BLTP3B: variants seen among roughly 807,000 people sequenced by gnomAD.
BLTP3B encodes bridge-like lipid transfer protein family member 3B, also known as UHRF1 (ICBP90) binding protein 1-like.
the BLTP3B span, among the ~76,000 whole-genome samples, chr12:100,070,717 G>T: frequency 6.6e-6 from 1 of 152,082 alleles, no homozygotes; most frequent in Admixed American, 6.6e-5. Context: ...TAATAGGGTG[G>T]GTGCGGTGGC....
the BLTP3B span, among the ~76,000 whole-genome samples, chr12:100,137,789 G>A: frequency 4.6e-5 from 7 of 152,126 alleles, no homozygotes; most frequent in African/African-American, 1.7e-4. Context: ...TTTCCTTAAT[G>A]TAGCAAATGA....
chr12:100,109,595 C>T, the BLTP3B span, among the ~76,000 whole-genome samples: 2 of 151,942 alleles, frequency 1.3e-5, no homozygotes, highest in Non-Finnish European at 2.9e-5. Flanking sequence ...GAAACCTGGT[C>T]TCTACTAAAA....
chr12:100,063,915 G>C, the BLTP3B span, among the ~76,000 whole-genome samples: 1 of 151,992 alleles, frequency 6.6e-6, no homozygotes, highest in South Asian at 2.1e-4. Context: ...CAGCTCACCA[G>C]CAATGGACCC....
the BLTP3B span, among the ~76,000 whole-genome samples, chr12:100,130,982 G>GGGGAGAGA: frequency 2.6e-4 from 16 of 62,240 alleles, no homozygotes; most frequent in East Asian, 9.5e-4. Flanking sequence ...AGAGAGGGAG[G>GGGGAGAGA]GAGAGAGAGA....
chr12:100,103,853 A>T, the BLTP3B span: 1 of 1,320,640 alleles, frequency 7.6e-7, no homozygotes. Context: ...TACTATGAAC[A>T]GAGTAGCTAG....
At chr12:100,102,110 C>CTT in the BLTP3B span, among the ~76,000 whole-genome samples, 302 of 135,072 alleles carry the variant, frequency 2.2e-3, no homozygotes, top group African/African-American at 7.6e-3. Flanking sequence ...CAACTTAACT[C>CTT]TTTTTTTTTT....
At chr12:100,048,738 GA>G in the BLTP3B span, among the ~76,000 whole-genome samples, 2 of 122,970 alleles carry the variant, frequency 1.6e-5, no homozygotes, top group African/African-American at 7.3e-5. Flanking sequence ...AGGGGGGGGA[GA>G]GAGAGAGAGA....
chr12:100,061,724 TTA>T, the BLTP3B span, among the ~76,000 whole-genome samples: 4 of 151,494 alleles, frequency 2.6e-5, no homozygotes, highest in Admixed American at 2.6e-4. Flanking sequence ...ATAAAACAGA[TTA>T]GTATGTAGTT....
the BLTP3B span, chr12:100,088,905 G>T: frequency 1.3e-6 from 2 of 1,529,496 alleles, no homozygotes; most frequent in Non-Finnish European, 1.7e-6. Context: ...AAATAAGCAA[G>T]TTATTTTACC....
the BLTP3B span, chr12:100,095,528 A>C: frequency 1.1e-6 from 1 of 911,832 alleles, no homozygotes; most frequent in Non-Finnish European, 1.6e-6. Flanking sequence ...AAAATTACAT[A>C]GAAGATATCT....
At chr12:100,108,565 A>G in the BLTP3B span, 1 of 1,587,780 alleles carries the variant, frequency 6.3e-7, no homozygotes, top group Non-Finnish European at 8.6e-7. Context: ...GAGAATACAC[A>G]TTGACATTTA....
chr12:100,115,606 C>T, the BLTP3B span, among the ~76,000 whole-genome samples: 1 of 151,978 alleles, frequency 6.6e-6, no homozygotes, highest in African/African-American at 2.4e-5. Context: ...CTTGTCTCTA[C>T]AAAAAATTTT....
At chr12:100,119,602 A>G in the BLTP3B span, among the ~76,000 whole-genome samples, 3 of 152,206 alleles carry the variant, frequency 2.0e-5, no homozygotes, top group African/African-American at 7.2e-5. Context: ...AATAAATAAT[A>G]AATGCAACAA....
the BLTP3B span, chr12:100,086,380 G>GC: frequency 8.9e-6 from 6 of 674,626 alleles, 2 homozygotes; most frequent in East Asian, 4.5e-5. Flanking sequence ...AAAGGGGGGG[G>GC]GGGAAATATT....
At chr12:100,096,420 A>T in the BLTP3B span, among the ~76,000 whole-genome samples, 1 of 152,206 alleles carries the variant, frequency 6.6e-6, no homozygotes, top group African/African-American at 2.4e-5. Flanking sequence ...AAATTATATA[A>T]TTACTTGTAT....
At chr12:100,121,493 C>T in the BLTP3B span, among the ~76,000 whole-genome samples, 1 of 151,950 alleles carries the variant, frequency 6.6e-6, no homozygotes, top group Non-Finnish European at 1.5e-5. Flanking sequence ...GGTGAATATT[C>T]ATTTTCTTAA....
At chr12:100,117,188 T>C in the BLTP3B span, among the ~76,000 whole-genome samples, 5 of 152,190 alleles carry the variant, frequency 3.3e-5, no homozygotes, top group Non-Finnish European at 7.3e-5. Context: ...ATTCTTTTAG[T>C]GAGGGCTGCA....
chr12:100,115,952 T>C, the BLTP3B span, among the ~76,000 whole-genome samples: 1 of 151,960 alleles, frequency 6.6e-6, no homozygotes, highest in Non-Finnish European at 1.5e-5. Flanking sequence ...GCGGATCACC[T>C]AAGGTCAGGA....
chr12:100,044,807 T>C, the BLTP3B span, among the ~76,000 whole-genome samples: 3 of 152,144 alleles, frequency 2.0e-5, no homozygotes, highest in Non-Finnish European at 4.4e-5. Flanking sequence ...GGAAGCCAAA[T>C]TGTCTCTGTT....
Sources: allele counts gnomAD v4.1 joint callset (sites outside exome capture counted in the v4.1 genomes callset), GRCh38; gene constraint gnomAD v4.1.1; transcripts MANE v1.5; gene names NCBI Gene and HGNC (gene_info 2026-07-23, HGNC 2026-07-21).